The following ATP13A3 variants were observed in gnomAD, a reference collection of about 807,000 sequenced individuals.
ATP13A3 encodes polyamine-transporting ATPase 13A3.
Under a neutral mutation model 158.1 loss-of-function variants are expected in ATP13A3, and 59 were observed. The ratio of observed to expected loss-of-function variants is 0.37; its 90% CI spans 0.30 to 0.46. The LOEUF (loss-of-function observed/expected upper bound fraction) is 0.46. ATP13A3 is among the 20% of genes least tolerant of loss of function. The pLI is 1.00. For synonymous variants in ATP13A3, 491 were observed against 504.3 expected (o/e 0.97, Z 0.35); for missense variants, 1,166 against 1,525.2 (o/e 0.76, Z 3.92).
chr3:194,408,981 G>A (rs1159970918), intron 33 of ATP13A3, among the ~76,000 whole-genome samples: 2 of 152,126 alleles, frequency 1.3e-5, no homozygotes, highest in African/African-American at 4.8e-5. Flanking sequence ...ATGAGCATGT[G>A]GGTCTCTCCA....
At chr3:194,428,120 C>A (rs929263577) in intron 28 of ATP13A3, among the ~76,000 whole-genome samples, 8 of 150,508 alleles carry the variant, frequency 5.3e-5, no homozygotes, top group African/African-American at 1.7e-4. Context: ...ACTCAGGAGG[C>A]TGAGGCAGGA....
rs1023517389 is a variant in ATP13A3, at chr3:194,403,926, G to T, written c.*1993C>A. ...CTAAATGTTAAAAAAGTGGGGGGGGGGTGTCAAAAATAGCTCTTTATGATC... is the reference window on the plus strand; with the variant it reads ...CTAAATGTTAAAAAAGTGGGGGGGGTGTGTCAAAAATAGCTCTTTATGATC... On this transcript the variant is annotated 3_prime_UTR_variant, in exon 34 of 34. Coordinates refer to ENST00000645319, the MANE Select transcript of ATP13A3 (RefSeq NM_001367549.1). 5.4e-5 allele frequency: 17 copies of T among 315,198 alleles called. No homozygotes were observed. The highest frequency in any genetic ancestry group is 1.0e-4 in the Non-Finnish European group (17 of 162,890). 19.5% of individuals were successfully genotyped at this position (315,198 alleles called of 1,614,324 possible). A position where few individuals can be genotyped will look rare whatever the true frequency, so the allele number is the denominator to read the frequency against.
At chr3:194,478,467 T>C (rs977881249) in intron 2 of ATP13A3, among the ~76,000 whole-genome samples, 1 of 151,272 alleles carries the variant, frequency 6.6e-6, no homozygotes, top group African/African-American at 2.4e-5. Context: ...AGGGAGAAAA[T>C]AGAGAGATGA....
At chr3:194,471,943 G>C (rs1448604542) in intron 2 of ATP13A3, 1 of 153,028 alleles carries the variant, frequency 6.5e-6, no homozygotes, top group Non-Finnish European at 1.5e-5. Context: ...TGGAGGAGGA[G>C]CCCAGTGACA....
intron 2 of ATP13A3, among the ~76,000 whole-genome samples, chr3:194,493,218 A>G (rs1333644150): frequency 2.0e-5 from 3 of 152,042 alleles, no homozygotes; most frequent in Non-Finnish European, 4.4e-5. Context: ...AGTTTGGCTT[A>G]TCACTGTAGA....
chr3:194,474,817 C>T (rs1007223487), intron 2 of ATP13A3, among the ~76,000 whole-genome samples: 2 of 152,176 alleles, frequency 1.3e-5, no homozygotes, highest in Non-Finnish European at 1.5e-5. Context: ...CAGCTGCTGC[C>T]GGCAAGTGGC....
At chr3:194,487,039 C>A (rs937091850), upstream of ATP13A3, 1 of 151,614 alleles carries the variant, frequency 6.6e-6, no homozygotes, top group Non-Finnish European at 1.5e-5. Flanking sequence ...TGGCTTCATC[C>A]CCGCGCGGAG....
intron 31 of ATP13A3, among the ~76,000 whole-genome samples, chr3:194,416,952 AAAT>A (rs1439931729): frequency 6.6e-6 from 1 of 152,220 alleles, no homozygotes; most frequent in Middle Eastern, 3.2e-3. Flanking sequence ...ATCTAACAAA[AAAT>A]GTACAAAAAC....
upstream of ATP13A3, among the ~76,000 whole-genome samples, chr3:194,489,299 T>A (rs1461226384): frequency 1.3e-5 from 2 of 152,148 alleles, no homozygotes; most frequent in Admixed American, 6.5e-5. This position sits in a 1 kb window ranked among gnomAD's most constrained non-coding sequence, Gnocchi z 4.1. Context: ...CAAAATTAGC[T>A]GGACGTGGTG....
intron 16 of ATP13A3, among the ~76,000 whole-genome samples, chr3:194,440,453 T>C (rs1717968788): frequency 6.6e-6 from 1 of 152,148 alleles, no homozygotes; most frequent in Non-Finnish European, 1.5e-5. Context: ...ACTATTCCTT[T>C]GAAACTTTAA....
At chr3:194,491,016 C>T (rs1344012752), upstream of ATP13A3, among the ~76,000 whole-genome samples, 4 of 152,108 alleles carry the variant, frequency 2.6e-5, no homozygotes, top group East Asian at 1.9e-4. Context: ...TGGTGGCGTG[C>T]GCCTGTAATC....
chr3:194,421,149 A>AC lies in ATP13A3; in HGVS notation c.3314-1183_3314-1182insG, dbSNP rs369736459. Among the ~76,000 whole-genome samples the AC allele has an allele frequency of 4.1e-4, 21 of 51,284 alleles. 1 individual carries two copies. Among genetic ancestry groups the AC allele is most frequent in the East Asian group, 5.2e-4 (1 of 1,930 alleles). The allele number at this position is 51,284 out of a possible 152,430, so 33.6% of individuals were successfully genotyped here. A position where few individuals can be genotyped will look rare whatever the true frequency, so the allele number is the denominator to read the frequency against. Reference sequence around the variant, plus strand: ...ATATATATATATAGTATATATATATATATATATATATATATATATAGTTTT... The same window carrying AC: ...ATATATATATATAGTATATATATATACTATATATATATATATATATAGTTTT... On this transcript the variant is annotated intron_variant, in intron 30 of 33. Transcript: ENST00000645319.
chr3:194,426,992 T>A, intron 29 of ATP13A3, 83 bp downstream of exon 29: 1 of 1,474,856 alleles, frequency 6.8e-7, no homozygotes, highest in Non-Finnish European at 9.2e-7. Context: ...GCACAAACTT[T>A]TATATTAACT....
At chr3:194,449,091 AG>A (rs1718616881) in intron 11 of ATP13A3, among the ~76,000 whole-genome samples, 1 of 148,196 alleles carries the variant, frequency 6.7e-6, no homozygotes, top group East Asian at 2.0e-4. Context: ...ACACACACAC[AG>A]AACAGAAAAG....
At chr3:194,460,006 A>G in intron 4 of ATP13A3, 35 bp from the exon 5 acceptor site, 1 of 1,507,814 alleles carries the variant, frequency 6.6e-7, no homozygotes, top group Non-Finnish European at 9.0e-7. Context: ...TAAGGAGTCA[A>G]TTTTATAGAA....
At chr3:194,456,003 T>C (rs1488662437) in intron 7 of ATP13A3, 41 bp from the exon 8 acceptor site, 56 of 1,249,276 alleles carry the variant, frequency 4.5e-5, no homozygotes, top group Non-Finnish European at 6.1e-5. Context: ...CATTATATCA[T>C]AATAGTATAA....
intron 7 of ATP13A3, among the ~76,000 whole-genome samples, chr3:194,456,783 C>T (rs147959535): frequency 5.9e-5 from 9 of 152,138 alleles, no homozygotes; most frequent in Admixed American, 2.0e-4. Flanking sequence ...CTATCAAGAA[C>T]GACACTTCAC....
chr3:194,410,325 A>AAAC (rs1560066827), intron 33 of ATP13A3, among the ~76,000 whole-genome samples: 105 of 146,742 alleles, frequency 7.2e-4, no homozygotes, highest in Non-Finnish European at 1.2e-3. Flanking sequence ...AAAAAAAAAA[A>AAAC]AAAAAACTGC....
At chr3:194,484,238 C>G (rs894258618) in intron 2 of ATP13A3, among the ~76,000 whole-genome samples, 4 of 151,920 alleles carry the variant, frequency 2.6e-5, no homozygotes, top group Admixed American at 1.3e-4. Flanking sequence ...TCCTTAACTT[C>G]TTTAATTTTT....
Sources: gnomAD v4.1 joint callset for allele counts (sites outside exome capture counted in the v4.1 genomes callset) on GRCh38, gnomAD v4.1.1 for gene constraint, Gnocchi (gnomAD v3.1) non-coding constraint, MANE v1.5 for transcripts, NCBI Gene and HGNC (gene_info 2026-07-23, HGNC 2026-07-21) for gene names.